RGS17: variants seen among roughly 807,000 people sequenced by gnomAD.
RGS17 encodes regulator of G protein signaling 17, also known as regulator of G-protein signaling 17.
RGS17 carries 12 observed loss-of-function variants against 25.5 expected under a neutral mutation model. That is an observed-to-expected ratio of 0.47 (90% CI 0.30 to 0.76). The LOEUF is 0.76. Among genes scored for constraint, RGS17 ranks in the 30% least tolerant of loss-of-function variants. RGS17 has a pLI of 0.07. For synonymous variants in RGS17, 71 were observed against 76.9 expected (o/e 0.92, Z 0.40); for missense variants, 196 against 242.2 (o/e 0.81, Z 1.27).
chr6:153,024,746 G>C (rs73634681), intron 3 of RGS17, among the ~76,000 whole-genome samples: 1 of 152,014 alleles, frequency 6.6e-6, no homozygotes, highest in African/African-American at 2.4e-5. Context: ...AACAGCAAGG[G>C]GCCTAAACAT....
intron 1 of RGS17, among the ~76,000 whole-genome samples, chr6:153,044,688 T>C (rs1776366295): frequency 2.6e-5 from 4 of 152,204 alleles, no homozygotes; most frequent in Admixed American, 1.3e-4. Context: ...TTTATCTTTA[T>C]TTAACGGAGA....
At chr6:153,067,642 G>A (rs551606183) in intron 1 of RGS17, among the ~76,000 whole-genome samples, 2 of 152,078 alleles carry the variant, frequency 1.3e-5, no homozygotes, top group African/African-American at 2.4e-5. Context: ...ATAAAACACT[G>A]ATGAAATAAA....
chr6:153,039,185 C>T (rs377027217), intron 2 of RGS17, among the ~76,000 whole-genome samples: 4 of 152,060 alleles, frequency 2.6e-5, no homozygotes, highest in Non-Finnish European at 2.9e-5. Context: ...GACCGAACAA[C>T]GGGACTAGAC....
At chr6:153,040,243 A>C (rs1314423248) in intron 2 of RGS17, among the ~76,000 whole-genome samples, 1 of 152,200 alleles carries the variant, frequency 6.6e-6, no homozygotes, top group Non-Finnish European at 1.5e-5. Flanking sequence ...ATCACTATGA[A>C]GCCTGTCTAA....
At chr6:153,106,926 G>C (rs573790334) in intron 1 of RGS17, among the ~76,000 whole-genome samples, 61 of 152,060 alleles carry the variant, frequency 4.0e-4, no homozygotes, top group African/African-American at 1.4e-3. Flanking sequence ...CAGCCACCGT[G>C]CCTGGCTGTA....
intron 1 of RGS17, among the ~76,000 whole-genome samples, chr6:153,129,251 G>A (rs1777748899): frequency 6.6e-6 from 1 of 152,214 alleles, no homozygotes; most frequent in African/African-American, 2.4e-5. Context: ...TCCCATGAGT[G>A]TGCTAATTAC....
chr6:153,081,498 G>GTTGGT (rs928789023), intron 1 of RGS17, among the ~76,000 whole-genome samples: 50 of 148,850 alleles, frequency 3.4e-4, no homozygotes, highest in African/African-American at 1.3e-3. Flanking sequence ...CATGTATATG[G>GTTGGT]TTGGGTCTTG....
At chr6:153,016,844 A>T (rs1383957316) in intron 4 of RGS17, among the ~76,000 whole-genome samples, 2 of 152,216 alleles carry the variant, frequency 1.3e-5, no homozygotes, top group Non-Finnish European at 2.9e-5. Context: ...AATGTGGATC[A>T]TCTATAATAC....
chr6:153,120,760 T>C (rs6912850), intron 1 of RGS17, among the ~76,000 whole-genome samples: 22,055 of 152,160 alleles, frequency 0.14, 1,672 homozygotes, highest in Middle Eastern at 0.21. Flanking sequence ...GAGTACTGTA[T>C]GCTTTTGAAA....
intron 2 of RGS17, among the ~76,000 whole-genome samples, chr6:153,028,107 AC>A (rs1178812615): frequency 4.6e-5 from 7 of 152,342 alleles, no homozygotes; most frequent in Admixed American, 4.6e-4. Context: ...AAAAAGGAGA[AC>A]CCAATAGGAA....
At chr6:153,123,368 A>G (rs1461817351) in intron 1 of RGS17, among the ~76,000 whole-genome samples, 1 of 152,190 alleles carries the variant, frequency 6.6e-6, no homozygotes, top group Admixed American at 6.5e-5. Context: ...AGTGGCTGAC[A>G]GGAGTGCTGA....
intron 1 of RGS17, among the ~76,000 whole-genome samples, chr6:153,118,910 T>C (rs1396398376): frequency 6.6e-6 from 1 of 152,160 alleles, no homozygotes; most frequent in Non-Finnish European, 1.5e-5. Flanking sequence ...AATCTCCACA[T>C]CCTCGGTTTT....
intron 1 of RGS17, among the ~76,000 whole-genome samples, chr6:153,094,250 A>AT (rs891353086): frequency 1.7e-4 from 26 of 150,948 alleles, no homozygotes; most frequent in East Asian, 3.9e-4. Context: ...TAATTTTTGT[A>AT]TTTTTTTTAG....
chr6:153,113,214 T>C (rs1000623251), intron 1 of RGS17, among the ~76,000 whole-genome samples: 3 of 148,918 alleles, frequency 2.0e-5, no homozygotes, highest in African/African-American at 5.0e-5. Context: ...AAGCTGAAAA[T>C]AAAGGAATGG....
chr6:153,024,254 AT>A lies in RGS17; in HGVS notation c.444+7del. 1 of 1,589,954 alleles carries A rather than the reference AT, an allele frequency of 6.3e-7. No homozygotes were observed. The highest frequency in any genetic ancestry group is 8.6e-7 in the Non-Finnish European group (1 of 1,160,922). ...GGAAGCCCACCTCAATGTTTTCCAG[AT>A]TTTTACCTCTTTTGGTGATAGTATA... On this transcript the variant is annotated splice_region_variant and intron_variant, in intron 4 of 4. Transcript: ENST00000206262.
At chr6:153,100,063 C>T (rs1174898440) in intron 1 of RGS17, among the ~76,000 whole-genome samples, 4 of 152,092 alleles carry the variant, frequency 2.6e-5, no homozygotes, top group South Asian at 4.1e-4. Flanking sequence ...ATAATTTTTC[C>T]TAAGAAATTA....
chr6:153,035,158 A>G (rs1014047739), intron 2 of RGS17, among the ~76,000 whole-genome samples: 3 of 150,854 alleles, frequency 2.0e-5, no homozygotes, highest in Admixed American at 2.0e-4. Flanking sequence ...TCTCACAAAA[A>G]AAAAAAAGTA....
intron 4 of RGS17, among the ~76,000 whole-genome samples, chr6:153,019,218 G>A (rs1243701971): frequency 6.6e-6 from 1 of 152,210 alleles, no homozygotes; most frequent in African/African-American, 2.4e-5. Flanking sequence ...CAGATGGTAA[G>A]TGACAGATGC....
chr6:153,081,408 G>A (rs570716747), intron 1 of RGS17, among the ~76,000 whole-genome samples: 2 of 152,174 alleles, frequency 1.3e-5, no homozygotes, highest in African/African-American at 4.8e-5. Context: ...TATGGTTACT[G>A]ACTTGGCAGT....
Sources: gnomAD v4.1 joint callset for allele counts (sites outside exome capture counted in the v4.1 genomes callset) on GRCh38, gnomAD v4.1.1 for gene constraint, MANE v1.5 for transcripts, NCBI Gene and HGNC (gene_info 2026-07-23, HGNC 2026-07-21) for gene names.